The following NHEJ1 variants were observed in gnomAD, a reference collection of about 807,000 sequenced individuals.
NHEJ1 encodes the protein non-homologous end joining factor 1.
Under a neutral mutation model 39.4 loss-of-function variants are expected in NHEJ1, and 22 were observed. The observed-to-expected ratio is 0.56, with a 90% CI of 0.40 to 0.80. NHEJ1 has a LOEUF of 0.80. NHEJ1 is among the 30% of genes least tolerant of loss of function. NHEJ1 has a pLI of 0.00. For missense variants in NHEJ1, 329 were observed against 357.1 expected (o/e 0.92, Z 0.63); for synonymous variants, 154 against 135.6 (o/e 1.14, Z -0.94).
chr2:219,108,655 T>G (rs543895600), intron 5 of NHEJ1, among the ~76,000 whole-genome samples: 2 of 152,326 alleles, frequency 1.3e-5, no homozygotes, highest in South Asian at 4.1e-4. Flanking sequence ...CTGAATAAGA[T>G]AGTTTTATGA....
In NHEJ1 at chr2:219,078,100, T is replaced by C; in HGVS notation, c.695A>G (p.His232Arg). Residue 232 changes from histidine to arginine, a missense_variant, in exon 6 of 8, where the codon CAT becomes CGT. Transcript: ENST00000356853. ...TCTGGAGGGCTCACCAGCGCCTTGATGCTTCTGTCCCACTTGGACCTCTTG... is the reference window on the plus strand; with the variant it reads ...TCTGGAGGGCTCACCAGCGCCTTGACGCTTCTGTCCCACTTGGACCTCTTG... The part of the protein sequence containing the change: ...TTQEVQVGQK[H>R]QGAGDPHTSN... 1.2e-6 allele frequency: 2 copies of C among 1,613,900 alleles called. No individual in the cohort carries two copies. Among genetic ancestry groups the C allele is most frequent in the Middle Eastern group, 1.6e-4 (1 of 6,062 alleles).
intron 3 of NHEJ1, among the ~76,000 whole-genome samples, chr2:219,149,073 G>A (rs1181775156): frequency 1.3e-5 from 2 of 151,848 alleles, no homozygotes; most frequent in African/African-American, 4.8e-5. Context: ...TAGTAGAGAC[G>A]GGGTTTCACC....
At chr2:219,091,159 G>A (rs886391821) in intron 5 of NHEJ1, among the ~76,000 whole-genome samples, 1 of 152,088 alleles carries the variant, frequency 6.6e-6, no homozygotes, top group East Asian at 1.9e-4. Context: ...TGGGATGCAG[G>A]TTTATCCCAA....
chr2:219,101,320 G>A (rs1320278389), intron 5 of NHEJ1, among the ~76,000 whole-genome samples: 1 of 152,098 alleles, frequency 6.6e-6, no homozygotes, highest in Non-Finnish European at 1.5e-5. Flanking sequence ...TTGCCATGTT[G>A]GCCAGGCTGG....
At chr2:219,136,924 A>G (rs1559199527) in intron 5 of NHEJ1, among the ~76,000 whole-genome samples, 1 of 151,900 alleles carries the variant, frequency 6.6e-6, no homozygotes, top group Non-Finnish European at 1.5e-5. Flanking sequence ...TTCTATATTG[A>G]TTTCCTTTTT....
At chr2:219,086,903 C>T (rs192725204) in intron 5 of NHEJ1, among the ~76,000 whole-genome samples, 108 of 152,240 alleles carry the variant, frequency 7.1e-4, no homozygotes, top group Non-Finnish European at 1.2e-3. Context: ...TTTGGAGGGC[C>T]AGAGCCTAAA....
chr2:219,143,565 C>T (rs1220004229), intron 5 of NHEJ1, among the ~76,000 whole-genome samples: 1 of 152,192 alleles, frequency 6.6e-6, no homozygotes, highest in Non-Finnish European at 1.5e-5. Flanking sequence ...GTCACTTAAC[C>T]TCTCTGAGGC....
intron 3 of NHEJ1, among the ~76,000 whole-genome samples, chr2:219,154,916 T>C (rs12694450): frequency 0.5 from 73,464 of 146,790 alleles, 20,677 homozygotes; most frequent in Non-Finnish European, 0.64. Flanking sequence ...ACATATTATA[T>C]TAATATAGAT....
chr2:219,142,833 GCTTGA>G (rs1301936475), intron 5 of NHEJ1, among the ~76,000 whole-genome samples: 3 of 152,176 alleles, frequency 2.0e-5, no homozygotes, highest in Admixed American at 6.5e-5. Context: ...TCCCACCCAG[GCTTGA>G]CTTGAGTCAA....
chr2:219,154,372 T>C (rs1018525662), intron 3 of NHEJ1, among the ~76,000 whole-genome samples: 11 of 152,220 alleles, frequency 7.2e-5, no homozygotes, highest in African/African-American at 2.4e-4. Flanking sequence ...GTAGTTGCTT[T>C]GCAAAAGGAA....
intron 5 of NHEJ1, among the ~76,000 whole-genome samples, chr2:219,090,148 G>C (rs149270870): frequency 1.6e-4 from 24 of 152,298 alleles, no homozygotes; most frequent in Non-Finnish European, 3.5e-4. Context: ...AGACAACGTA[G>C]GTAACATATT....
chr2:219,081,009 A>C (rs1005551644), intron 5 of NHEJ1, among the ~76,000 whole-genome samples: 2 of 152,170 alleles, frequency 1.3e-5, no homozygotes, highest in East Asian at 3.9e-4. Flanking sequence ...AGAGCAATCC[A>C]GCTTCTCCCA....
At chr2:219,158,836 G>C in intron 1 of NHEJ1, 1 of 181,964 alleles carries the variant, frequency 5.5e-6, no homozygotes, top group East Asian at 1.4e-4. Context: ...CGAAGTATTT[G>C]ATCATTATCT....
At chr2:219,136,465 T>C (rs543492898) in intron 5 of NHEJ1, among the ~76,000 whole-genome samples, 1 of 152,104 alleles carries the variant, frequency 6.6e-6, no homozygotes, top group African/African-American at 2.4e-5. Flanking sequence ...ATTTTTGTAT[T>C]TTTAGTAGAG....
chr2:219,090,157 T>C (rs1407815753), intron 5 of NHEJ1, among the ~76,000 whole-genome samples: 2 of 152,238 alleles, frequency 1.3e-5, no homozygotes, highest in East Asian at 1.9e-4. Flanking sequence ...AGGTAACATA[T>C]TAATTCTGTT....
chr2:219,127,620 C>T (rs1949537772), intron 5 of NHEJ1, among the ~76,000 whole-genome samples: 1 of 152,178 alleles, frequency 6.6e-6, no homozygotes. Context: ...ATCTCTCAAC[C>T]TCTAAAAACA....
intron 5 of NHEJ1, among the ~76,000 whole-genome samples, chr2:219,101,224 C>T (rs561097916): frequency 6.6e-6 from 1 of 152,244 alleles, no homozygotes; most frequent in South Asian, 2.1e-4. Context: ...AAGCAATTAT[C>T]GTGCCTCAGC....
chr2:219,159,590 T>TATATATATATGC lies in NHEJ1; in HGVS notation c.-1+1118_-1+1129dup, dbSNP rs1949906969. On this transcript the variant is annotated intron_variant, in intron 1 of 7. Transcript: ENST00000356853. ...ATATATATATGCATATATATATGCA[T>TATATATATATGC]ATATATATATGCATATATATACATA... Among the ~76,000 whole-genome samples the TATATATATATGC allele has an allele frequency of 5.9e-5, 6 of 102,200 alleles. 1 individual carries two copies. Among genetic ancestry groups the TATATATATATGC allele is most frequent in the East Asian group, 2.6e-4 (1 of 3,904 alleles). 67.0% of individuals were successfully genotyped at this position (102,200 alleles called of 152,430 possible).
chr2:219,120,726 A>C (rs1252738135), intron 5 of NHEJ1, among the ~76,000 whole-genome samples: 1 of 152,198 alleles, frequency 6.6e-6, no homozygotes, highest in Admixed American at 6.5e-5. Flanking sequence ...GTGGGGCTCC[A>C]TCAAGTATAC....
Sources: gnomAD v4.1 joint callset for allele counts (sites outside exome capture counted in the v4.1 genomes callset) on GRCh38, gnomAD v4.1.1 for gene constraint, MANE v1.5 for transcripts, NCBI Gene and HGNC (gene_info 2026-07-23, HGNC 2026-07-21) for gene names.